MIA2: variants seen among roughly 807,000 people sequenced by gnomAD.
MIA2 encodes melanoma inhibitory activity protein 2.
A neutral mutation model predicts 167.8 loss-of-function variants in MIA2; 127 were observed. The observed-to-expected ratio is 0.76, with a 90% confidence interval of 0.66 to 0.88. The LOEUF (loss-of-function observed/expected upper bound fraction) is 0.88, where lower values mean the gene tolerates loss of function less well. Ranked by LOEUF, MIA2 falls within the 40% of genes least tolerant of loss-of-function variation. The probability of loss-of-function intolerance (pLI) is 0.00; values close to 1 mark genes in which losing one functional copy is unlikely to be tolerated. For synonymous variants in MIA2, 552 were observed against 541.9 expected, an observed-to-expected ratio of 1.02 and a Z score of -0.26; for missense variants, 1,690 against 1,624.7, an observed-to-expected ratio of 1.04 and a Z score of -0.69.
intron 13 of MIA2, among the ~76,000 whole-genome samples, chr14:39,298,443 A>ATATATATATATATATATATATATATGT (rs1372100362): frequency 0.022 from 1,070 of 49,648 alleles, 156 homozygotes; most frequent in East Asian, 0.029. Flanking sequence ...ATATATATAT[A>ATATATATATATATATATATATATATGT]AAGATTAGTT....
intron 9 of MIA2, among the ~76,000 whole-genome samples, chr14:39,285,766 G>C (rs1307173124): frequency 5.3e-5 from 8 of 151,022 alleles, no homozygotes; most frequent in African/African-American, 2.0e-4. Flanking sequence ...CTTCTCAGAC[G>C]GGGCGGCTGC....
chr14:39,303,620 T>C, intron 16 of MIA2, 96 bp downstream of exon 16: 1 of 795,314 alleles, frequency 1.3e-6, no homozygotes, highest in Non-Finnish European at 2.0e-6. Context: ...CATTTTATTG[T>C]TCCCATATAA....
intron 13 of MIA2, among the ~76,000 whole-genome samples, chr14:39,299,305 C>CTTTTTTTTTTTTTTTTTT (rs34424266): frequency 2.1e-5 from 2 of 95,088 alleles, no homozygotes; most frequent in Non-Finnish European, 3.8e-5. Context: ...AATGGTATTT[C>CTTTTTTTTTTTTTTTTTT]TTTTTTTTTT....
chr14:39,339,146 C>T (rs930756426), intron 25 of MIA2, among the ~76,000 whole-genome samples: 51 of 152,116 alleles, frequency 3.4e-4, no homozygotes, highest in Non-Finnish European at 1.2e-4. Flanking sequence ...GTAGGGTTTG[C>T]GCTTCTATGA....
intron 28 of MIA2, 43 bp downstream of exon 28, chr14:39,349,020 T>C: frequency 6.4e-7 from 1 of 1,569,274 alleles, no homozygotes; most frequent in Non-Finnish European, 8.8e-7. Flanking sequence ...AATATGTGGT[T>C]TATTAATCGG....
chr14:39,296,606 T>G (rs1380546771), intron 13 of MIA2, among the ~76,000 whole-genome samples: 815 of 4,156 alleles, frequency 0.2, 6 homozygotes, highest in Non-Finnish European at 0.39. Context: ...TTTTCTTTTC[T>G]TTTTTTTTTT....
intron 23 of MIA2, among the ~76,000 whole-genome samples, chr14:39,380,554 A>G (rs573516702): frequency 3.2e-4 from 49 of 152,078 alleles, no homozygotes; most frequent in South Asian, 2.9e-3. Flanking sequence ...TTAGCTGGGC[A>G]TGGTGGCATG....
chr14:39,367,613 G>T (rs1281559471), intron 23 of MIA2, among the ~76,000 whole-genome samples: 1 of 152,204 alleles, frequency 6.6e-6, no homozygotes, highest in African/African-American at 2.4e-5. Context: ...ACCCAGCTGA[G>T]CTGGCTGCCA....
chr14:39,349,846 C>A (rs1049393695), intron 28 of MIA2, among the ~76,000 whole-genome samples: 5 of 151,942 alleles, frequency 3.3e-5, no homozygotes, highest in Admixed American at 6.6e-5. Flanking sequence ...GAAATAATTC[C>A]TCTTTTTTAA....
At chr14:39,266,881 T>TCGC (rs1268432595) in intron 6 of MIA2, 2 of 737,130 alleles carry the variant, frequency 2.7e-6, no homozygotes, top group African/African-American at 1.9e-5. Context: ...AGGAGAAGTC[T>TCGC]CGCCGCCGCC....
intron 9 of MIA2, among the ~76,000 whole-genome samples, chr14:39,285,656 T>G (rs12880519): frequency 7.2e-3 from 25 of 3,492 alleles, no homozygotes; most frequent in East Asian, 0.031. Context: ...CTGGCCGGGC[T>G]GGGGCTGACC....
At chr14:39,307,348 A>G (rs572207286) in intron 17 of MIA2, among the ~76,000 whole-genome samples, 1 of 151,174 alleles carries the variant, frequency 6.6e-6, no homozygotes, top group East Asian at 1.9e-4. Flanking sequence ...TAGAATGTTG[A>G]AGGTGTTGGG....
chr14:39,294,069 GAAGT>G lies in MIA2; in HGVS notation c.2391+3_2391+6del. On this transcript the variant is annotated splice_donor_variant and coding_sequence_variant, in exon 12 of 29. Coordinates refer to ENST00000640607, the MANE Select transcript of MIA2 (RefSeq NM_001329214.4). LOFTEE classifies it high-confidence loss of function. ...AAAATCCCTCAAATCACAAGTAGCTGAAGTAAGTTGAATTAGTCTAGTAGGTCTG... is the reference window on the plus strand; with the variant it reads ...AAAATCCCTCAAATCACAAGTAGCTGAAGTTGAATTAGTCTAGTAGGTCTG... The G allele has an allele frequency of 1.2e-6, 2 of 1,603,414 alleles. No individual in the cohort carries two copies. The highest frequency in any genetic ancestry group is 1.7e-6 in the Non-Finnish European group (2 of 1,172,646).
chr14:39,270,114 T>TC (rs1464296172), intron 6 of MIA2, among the ~76,000 whole-genome samples: 42 of 152,100 alleles, frequency 2.8e-4, no homozygotes, highest in Non-Finnish European at 2.9e-4. Context: ...CTGCATTCTC[T>TC]CCAACGCTTG....
chr14:39,294,935 C>T lies in MIA2; in HGVS notation c.2402C>T (p.Thr801Ile), dbSNP rs961606934. The change falls in exon 13 of 29, where the codon ACC (threonine) becomes ATC (isoleucine). Residue 801 changes from threonine (T) to isoleucine (I), a missense_variant. By Grantham distance (89) the Thr-to-Ile change is moderately conservative. Coordinates refer to ENST00000640607, the MANE Select transcript of MIA2 (RefSeq NM_001329214.4). Reference protein sequence around the residue: ...LKSQVAEAKMTFKIFQMNEER... With the variant: ...LKSQVAEAKMIFKIFQMNEER... ...TTTTGTTTCACTTAGGCCAAAATGACCTTCAAGATATTTCAAATGAATGAA... is the reference window on the plus strand; with the variant it reads ...TTTTGTTTCACTTAGGCCAAAATGATCTTCAAGATATTTCAAATGAATGAA... The T allele has an allele frequency of 2.5e-6, 4 of 1,610,892 alleles. No homozygotes were observed. The highest frequency in any genetic ancestry group is 3.4e-6 in the Non-Finnish European group (4 of 1,178,296).
intron 6 of MIA2, chr14:39,267,423 G>C (rs368948446): frequency 2.5e-6 from 4 of 1,610,270 alleles, no homozygotes; most frequent in African/African-American, 1.3e-5. Context: ...CGACAGGCCG[G>C]GGTTACTGTG....
chr14:39,256,603 A>G (rs2068448373), intron 6 of MIA2, among the ~76,000 whole-genome samples: 1 of 152,148 alleles, frequency 6.6e-6, no homozygotes, highest in African/African-American at 2.4e-5. Context: ...AATAACAAAG[A>G]AATTATGAGA....
chr14:39,266,935 T>G, intron 6 of MIA2: 2 of 643,276 alleles, frequency 3.1e-6, no homozygotes, highest in Non-Finnish European at 3.9e-6. Context: ...GACATAGCCC[T>G]GGTCTTTGGG....
At chr14:39,367,869 G>T (rs558367888) in intron 23 of MIA2, among the ~76,000 whole-genome samples, 19 of 151,902 alleles carry the variant, frequency 1.3e-4, no homozygotes, top group Non-Finnish European at 1.8e-4. Context: ...GATTGATTCT[G>T]TGGATTCAGA....
Sources: allele counts gnomAD v4.1 joint callset (sites outside exome capture counted in the v4.1 genomes callset), GRCh38; gene constraint gnomAD v4.1.1; transcripts MANE v1.5; gene names NCBI Gene and HGNC (gene_info 2026-07-23, HGNC 2026-07-21).